PRKCE: variants seen among roughly 807,000 people sequenced by gnomAD.
The protein encoded by PRKCE is protein kinase C epsilon.
In PRKCE, 16 loss-of-function variants were observed where a neutral mutation model predicts 85.4. That is an observed-to-expected ratio of 0.19 (90% CI 0.13 to 0.28). The LOEUF (loss-of-function observed/expected upper bound fraction) is 0.28, where lower values mean the gene tolerates loss of function less well. Among genes scored for constraint, PRKCE ranks in the 10% least tolerant of loss-of-function variants. The pLI is 1.00. For synonymous variants in PRKCE, 388 were observed against 371.5 expected, an observed-to-expected ratio of 1.04 and a Z score of -0.51; for missense variants, 573 against 975.2, an observed-to-expected ratio of 0.59 and a Z score of 5.49.
chr2:45,802,753 T>C (rs183140590), intron 1 of PRKCE, among the ~76,000 whole-genome samples: 531 of 152,332 alleles, frequency 3.5e-3, no homozygotes, highest in Non-Finnish European at 6.1e-3. Context: ...GTTCTTTCCA[T>C]AGGGATCCAG....
rs371793429 is a variant in PRKCE, at chr2:46,001,689, A to G, written c.966+143A>G. The G allele has an allele frequency of 5.0e-6, 5 of 999,344 alleles. No individual in the cohort carries two copies. The highest frequency in any genetic ancestry group is 6.7e-6 in the Non-Finnish European group (5 of 747,606). The allele number at this position is 999,344 out of a possible 1,614,324, so 61.9% of individuals were successfully genotyped here. ...CAGAACTGCAGTACTTAAAGAAAAA[A>G]ACAAAGATAGAAGCCAGGCAGGTAA... is the stretch of plus-strand genomic sequence containing the variant. On this transcript the variant is annotated intron_variant, in intron 7 of 14. Transcript: ENST00000306156. The surrounding 1 kb of genome is among the most constrained non-coding windows in gnomAD (Gnocchi z 4.4).
chr2:45,771,767 TGGCA>T (rs906154020), intron 1 of PRKCE, among the ~76,000 whole-genome samples: 1 of 151,098 alleles, frequency 6.6e-6, no homozygotes, highest in African/African-American at 2.4e-5. Flanking sequence ...CTAACACCAG[TGGCA>T]GGCAGGCTGT....
intron 11 of PRKCE, among the ~76,000 whole-genome samples, chr2:46,103,365 G>C (rs1385775867): frequency 6.6e-6 from 1 of 152,142 alleles, no homozygotes; most frequent in Non-Finnish European, 1.5e-5. Flanking sequence ...TCTTTTATTG[G>C]AGAATGGAAA....
chr2:46,057,742 G>A (rs111631984), intron 10 of PRKCE, among the ~76,000 whole-genome samples: 6,477 of 152,022 alleles, frequency 0.043, 358 homozygotes, highest in African/African-American at 0.13. Flanking sequence ...ATTTTTGTTT[G>A]TTTATTTTAA....
At position 46,137,103 on chromosome 2, in the gene PRKCE, T is replaced by A. The variant is rs1574568421; in HGVS notation, c.1593-7990T>A. ...TTCTGGGATATCATGGATCAGGCACTGTGCTAGCACTTTCGCAGAGGTTAC... is the reference window on the plus strand; with the variant it reads ...TTCTGGGATATCATGGATCAGGCACAGTGCTAGCACTTTCGCAGAGGTTAC... On this transcript the variant is annotated intron_variant, in intron 11 of 14. Transcript: ENST00000306156. 2.0e-5 allele frequency among the ~76,000 whole-genome samples: 3 copies of A among 152,366 alleles called. 1 individual carries two copies. The highest frequency in any genetic ancestry group is 2.0e-4 in the Admixed American group (3 of 15,310).
intron 1 of PRKCE, among the ~76,000 whole-genome samples, chr2:45,716,545 G>A (rs933390861): frequency 7.3e-6 from 1 of 137,112 alleles, no homozygotes; most frequent in Non-Finnish European, 1.6e-5. Flanking sequence ...GAAAGAAAAA[G>A]AAAGAAAGGA....
chr2:46,103,586 G>A (rs924093453), intron 11 of PRKCE, among the ~76,000 whole-genome samples: 1 of 152,092 alleles, frequency 6.6e-6, no homozygotes, highest in Non-Finnish European at 1.5e-5. Flanking sequence ...AAAAACAGTT[G>A]AAAATCTGTG....
At chr2:45,716,031 C>T (rs576695045) in intron 1 of PRKCE, among the ~76,000 whole-genome samples, 4 of 152,312 alleles carry the variant, frequency 2.6e-5, no homozygotes, top group African/African-American at 7.2e-5. Context: ...CTTCAGTTTT[C>T]GCTTCCAAGG....
chr2:46,126,424 G>A (rs1673855892), intron 11 of PRKCE, among the ~76,000 whole-genome samples: 1 of 152,054 alleles, frequency 6.6e-6, no homozygotes, highest in Admixed American at 6.5e-5. Flanking sequence ...CTTAGGAGGG[G>A]CACTGAACCC....
intron 1 of PRKCE, among the ~76,000 whole-genome samples, chr2:45,684,983 T>C (rs2103982688): frequency 6.6e-6 from 1 of 152,344 alleles, no homozygotes; most frequent in African/African-American, 2.4e-5. Flanking sequence ...GCTTTGGCAC[T>C]GGTTAGAAAG....
intron 10 of PRKCE, among the ~76,000 whole-genome samples, chr2:46,015,579 C>A (rs772822138): frequency 6.7e-6 from 1 of 150,354 alleles, no homozygotes; most frequent in Admixed American, 6.7e-5. Context: ...TTTTCAAATG[C>A]GTTTGAATCA....
At chr2:46,076,218 C>T (rs1231978737) in intron 10 of PRKCE, among the ~76,000 whole-genome samples, 2 of 152,192 alleles carry the variant, frequency 1.3e-5, no homozygotes, top group Non-Finnish European at 2.9e-5. Context: ...TGCTATTGTT[C>T]GTGGCAGGAG....
chr2:45,984,995 G>A (rs1169929401), intron 6 of PRKCE, among the ~76,000 whole-genome samples: 1 of 152,200 alleles, frequency 6.6e-6, no homozygotes, highest in African/African-American at 2.4e-5. Flanking sequence ...CATTAGAGCA[G>A]AAGAAAAGTA....
At chr2:45,709,619 C>G (rs1005903612) in intron 1 of PRKCE, among the ~76,000 whole-genome samples, 2 of 152,218 alleles carry the variant, frequency 1.3e-5, no homozygotes, top group Non-Finnish European at 2.9e-5. Flanking sequence ...AGTGTGACTG[C>G]TGCAGCATGT....
At chr2:45,969,321 A>G (rs1021312842) in intron 2 of PRKCE, among the ~76,000 whole-genome samples, 1 of 152,154 alleles carries the variant, frequency 6.6e-6, no homozygotes, top group Non-Finnish European at 1.5e-5. Flanking sequence ...GCAGTGAGGC[A>G]GATGCAGGCA....
In PRKCE at chr2:46,096,229, G is replaced by A. The variant is rs577767290; in HGVS notation, c.1592+9867G>A. On this transcript the variant is annotated intron_variant, in intron 11 of 14. Transcript: ENST00000306156. ...AATGCAGTTTTCTCAGTGTTCCATG[G>A]GAATTATAATGCAAACCTCTCTGGA... Among the ~76,000 whole-genome samples, 168 of 152,296 alleles carry A rather than the reference G, an allele frequency of 1.1e-3. 1 individual carries two copies. Among genetic ancestry groups the A allele is most frequent in the Non-Finnish European group, 8.8e-4 (60 of 68,034 alleles).
At chr2:46,175,665 C>T (rs1192141325) in intron 14 of PRKCE, among the ~76,000 whole-genome samples, 2 of 152,204 alleles carry the variant, frequency 1.3e-5, no homozygotes, top group Non-Finnish European at 2.9e-5. Context: ...AGCCACTAAG[C>T]TACCTCTCAC....
chr2:45,910,630 T>C (rs1215144708), intron 2 of PRKCE, among the ~76,000 whole-genome samples: 1 of 152,194 alleles, frequency 6.6e-6, no homozygotes, highest in African/African-American at 2.4e-5. Context: ...TTAAATGAAG[T>C]GTTATCTGTT....
intron 1 of PRKCE, among the ~76,000 whole-genome samples, chr2:45,655,086 C>G (rs1006851001): frequency 6.6e-6 from 1 of 152,216 alleles, no homozygotes; most frequent in Non-Finnish European, 1.5e-5. Flanking sequence ...TTCTGCCGCA[C>G]TTTGAATTCA....
Sources: allele counts gnomAD v4.1 joint callset (sites outside exome capture counted in the v4.1 genomes callset), GRCh38; gene constraint gnomAD v4.1.1; non-coding constraint Gnocchi (gnomAD v3.1); transcripts MANE v1.5; gene names NCBI Gene and HGNC (gene_info 2026-07-23, HGNC 2026-07-21).